Variants in CDC42BPA observed in about 807,000 individuals in gnomAD.
The protein encoded by CDC42BPA is serine/threonine-protein kinase MRCK alpha.
CDC42BPA carries 80 observed loss-of-function variants against 223.5 expected under a neutral mutation model. The observed-to-expected ratio is 0.36, with a 90% CI of 0.30 to 0.43. CDC42BPA has a LOEUF of 0.43. Ranked by LOEUF, CDC42BPA falls within the 20% of genes least tolerant of loss-of-function variation. The pLI is 1.00. For missense variants in CDC42BPA, 1,743 were observed against 2,099.9 expected (o/e 0.83, Z 3.32); for synonymous variants, 694 against 718.6 (o/e 0.97, Z 0.55).
intron 12 of CDC42BPA, among the ~76,000 whole-genome samples, chr1:227,119,329 T>C (rs1370724884): frequency 6.6e-6 from 1 of 152,084 alleles, no homozygotes; most frequent in African/African-American, 2.4e-5. Context: ...CACAAAGTTC[T>C]TATGAAAATA....
chr1:227,310,692 TG>T (rs1693360087), intron 1 of CDC42BPA, among the ~76,000 whole-genome samples: 1 of 133,016 alleles, frequency 7.5e-6, no homozygotes, highest in Admixed American at 7.8e-5. Flanking sequence ...TTTTGTTTTT[TG>T]TTTTTTTTTT....
chr1:227,087,138 T>C (rs1368442964), intron 16 of CDC42BPA, among the ~76,000 whole-genome samples: 1 of 152,234 alleles, frequency 6.6e-6, no homozygotes. Flanking sequence ...TTTAATGTCA[T>C]TATCTTGACA....
intron 2 of CDC42BPA, among the ~76,000 whole-genome samples, chr1:227,233,466 T>C (rs1391246236): frequency 6.6e-6 from 1 of 152,226 alleles, no homozygotes; most frequent in African/African-American, 2.4e-5. Flanking sequence ...AAAGGTTTGC[T>C]TTAGGTTATT....
At chr1:227,298,216 G>T (rs908521363) in intron 1 of CDC42BPA, among the ~76,000 whole-genome samples, 1 of 151,290 alleles carries the variant, frequency 6.6e-6, no homozygotes, top group Non-Finnish European at 1.5e-5. Flanking sequence ...CATATATATT[G>T]CCAAGGTACT....
At chr1:227,114,126 A>G (rs1687402847) in intron 12 of CDC42BPA, among the ~76,000 whole-genome samples, 1 of 152,014 alleles carries the variant, frequency 6.6e-6, no homozygotes, top group Admixed American at 6.6e-5. Flanking sequence ...AAATTTAGAA[A>G]ACCCAAACCA....
At chr1:227,176,401 A>T (rs1273971684) in intron 5 of CDC42BPA, among the ~76,000 whole-genome samples, 1 of 152,192 alleles carries the variant, frequency 6.6e-6, no homozygotes, top group African/African-American at 2.4e-5. Context: ...ATTCTGTTTC[A>T]TTTCACGTTA....
At chr1:227,275,189 T>C (rs956144698) in intron 1 of CDC42BPA, among the ~76,000 whole-genome samples, 11 of 144,934 alleles carry the variant, frequency 7.6e-5, no homozygotes, top group African/African-American at 1.8e-4. Context: ...TAAAAAAGCA[T>C]TGGAAATTAA....
chr1:227,234,386 C>A (rs924683469), intron 2 of CDC42BPA: 4 of 152,128 alleles, frequency 2.6e-5, no homozygotes, highest in African/African-American at 9.7e-5. Flanking sequence ...GAACAGTGGC[C>A]AAAATGTCTA....
chr1:227,051,695 T>C (rs1673551125), intron 22 of CDC42BPA, among the ~76,000 whole-genome samples, 186 bp downstream of exon 22: 1 of 152,222 alleles, frequency 6.6e-6, no homozygotes, highest in Non-Finnish European at 1.5e-5. Context: ...AGATTGACTA[T>C]TTGAGGACAA....
At chr1:227,074,413 T>C (rs1679044830) in intron 17 of CDC42BPA, 49 bp from the exon 18 acceptor site, 2 of 1,267,802 alleles carry the variant, frequency 1.6e-6, no homozygotes, top group East Asian at 2.3e-5. Context: ...AAAGCTTCAG[T>C]GCAATATATG....
rs546195777 is a variant in CDC42BPA, at chr1:227,169,093, G to C, written c.600-8457C>G. On this transcript the variant is annotated intron_variant, in intron 5 of 36. Coordinates refer to ENST00000366766, the MANE Select transcript of CDC42BPA (RefSeq NM_001394014.1). ...AGTGAAAATTTTCATTTCAGATTTT[G>C]TATTTTTCATTTCTAGAATTTCCAT... Among the ~76,000 whole-genome samples the C allele has an allele frequency of 5.5e-5, 6 of 109,752 alleles. No homozygotes were observed. The South Asian group carries it at 2.1e-3, about 38-fold the overall frequency. The allele number at this position is 109,752 out of a possible 152,430, so 72.0% of individuals were successfully genotyped here.
intron 2 of CDC42BPA, among the ~76,000 whole-genome samples, chr1:227,235,905 T>C (rs1175681289): frequency 6.6e-6 from 1 of 152,198 alleles, no homozygotes; most frequent in Non-Finnish European, 1.5e-5. Context: ...TCAGTATCTC[T>C]TGGCAAGTAC....
intron 3 of CDC42BPA, among the ~76,000 whole-genome samples, chr1:227,204,400 CAA>C (rs1416030808): frequency 6.6e-6 from 1 of 152,078 alleles, no homozygotes; most frequent in African/African-American, 2.4e-5. Flanking sequence ...ACTATGAGTG[CAA>C]AGATAATAGT....
intron 11 of CDC42BPA, 84 bp downstream of exon 11, chr1:227,129,025 G>A (rs938659701): frequency 2.2e-6 from 2 of 918,402 alleles, no homozygotes; most frequent in African/African-American, 1.7e-5. Context: ...ACACAGACAG[G>A]TTCTCAATAG....
Position 227,139,682 on chromosome 1 carries a change from A to G in CDC42BPA, c.1284T>C (p.Asp428=), listed in dbSNP as rs1201199047. Residue 428 remains aspartate, a synonymous_variant, in exon 10 of 37, where the codon GAT becomes GAC. Transcript: ENST00000366766. The part of the protein sequence containing the change: ...VTAGPTSLDL[D]VNVQRTLDNN... Reference sequence around the variant, plus strand: ...TGTCTAGAGTCCTCTGAACATTAACATCAAGATCCAGTGAGGTGGGACCAG... The same window carrying G: ...TGTCTAGAGTCCTCTGAACATTAACGTCAAGATCCAGTGAGGTGGGACCAG... 4 of 1,608,982 alleles carry G rather than the reference A, an allele frequency of 2.5e-6. No individual in the cohort carries two copies. In the Admixed American group the frequency reaches 6.7e-5, roughly 27 times the overall value.
At chr1:227,143,420 G>A (rs1014469659) in intron 8 of CDC42BPA, among the ~76,000 whole-genome samples, 1 of 152,180 alleles carries the variant, frequency 6.6e-6, no homozygotes, top group Admixed American at 6.5e-5. Flanking sequence ...TCCCAGCTGA[G>A]GTTGAACAGG....
rs965960200 is a variant in CDC42BPA at position 227,074,093 on chromosome 1, T to C, written c.2587-81A>G. The C allele has an allele frequency of 1.7e-5, 25 of 1,514,804 alleles. No individual in the cohort carries two copies. The Middle Eastern group carries it at 5.1e-4, about 31-fold the overall frequency. The allele number at this position is 1,514,804 out of a possible 1,614,324, so 93.8% of individuals were successfully genotyped here. ...TATAGTTAACCAGCTGTGTGTTATG[T>C]TTTTCTAAACTGGAAAAGACCCAAA... On this transcript the variant is annotated intron_variant, in intron 18 of 36. Coordinates refer to ENST00000366766, the MANE Select transcript of CDC42BPA (RefSeq NM_001394014.1).
intron 35 of CDC42BPA, among the ~76,000 whole-genome samples, chr1:227,000,090 A>G (rs1019708819): frequency 1.9e-5 from 2 of 104,946 alleles, no homozygotes; most frequent in Non-Finnish European, 4.0e-5. Flanking sequence ...CCAGAACTTA[A>G]AGTATAATAA....
intron 21 of CDC42BPA, 104 bp downstream of exon 21, chr1:227,069,673 T>C: frequency 1.4e-6 from 1 of 723,598 alleles, no homozygotes. Context: ...TTCTAGGTCC[T>C]CTGATGTGGG....
Sources: gnomAD v4.1 joint callset for allele counts (sites outside exome capture counted in the v4.1 genomes callset) on GRCh38, gnomAD v4.1.1 for gene constraint, MANE v1.5 for transcripts, NCBI Gene and HGNC (gene_info 2026-07-23, HGNC 2026-07-21) for gene names.